The following HS6ST3 variants were observed in gnomAD, a reference collection of about 807,000 sequenced individuals.
The protein encoded by HS6ST3 is heparan sulfate 6-O-sulfotransferase 3, also known as heparan-sulfate 6-O-sulfotransferase 3.
HS6ST3 carries 12 observed loss-of-function variants against 36.7 expected under a neutral mutation model. The ratio of observed to expected loss-of-function variants is 0.33; its 90% CI spans 0.21 to 0.53. The LOEUF is 0.53. Among genes scored for constraint, HS6ST3 ranks in the 20% least tolerant of loss-of-function variants. HS6ST3 has a pLI of 0.95. For missense variants in HS6ST3, 584 were observed against 640.9 expected (o/e 0.91, Z 0.96); for synonymous variants, 240 against 257.5 (o/e 0.93, Z 0.65).
At chr13:96,362,057 G>C (rs2055241442) in intron 1 of HS6ST3, among the ~76,000 whole-genome samples, 1 of 152,154 alleles carries the variant, frequency 6.6e-6, no homozygotes, top group Non-Finnish European at 1.5e-5. Context: ...GAACTGCAGT[G>C]CTAGGTAATA....
At chr13:96,692,103 T>A (rs1874980056) in intron 1 of HS6ST3, among the ~76,000 whole-genome samples, 1 of 152,130 alleles carries the variant, frequency 6.6e-6, no homozygotes, top group Non-Finnish European at 1.5e-5. Context: ...AGATTGAAAT[T>A]TTTAGAGTCA....
chr13:96,542,099 G>A (rs896565811), intron 1 of HS6ST3, among the ~76,000 whole-genome samples: 3 of 152,190 alleles, frequency 2.0e-5, no homozygotes, highest in Non-Finnish European at 4.4e-5. Context: ...GGGGCAGAAA[G>A]CCTCTGGGAT....
intron 1 of HS6ST3, among the ~76,000 whole-genome samples, chr13:96,269,578 A>T (rs373969521): frequency 1.3e-5 from 2 of 152,158 alleles, no homozygotes; most frequent in East Asian, 3.9e-4. Context: ...TCTGTAACTG[A>T]AAAATTGTGT....
chr13:96,279,245 T>C (rs1212336594), intron 1 of HS6ST3, among the ~76,000 whole-genome samples: 2 of 152,100 alleles, frequency 1.3e-5, no homozygotes, highest in African/African-American at 4.8e-5. Flanking sequence ...AACCCAGAGT[T>C]TTTTCCTTTA....
At chr13:96,304,920 A>G (rs2054904725) in intron 1 of HS6ST3, among the ~76,000 whole-genome samples, 2 of 151,630 alleles carry the variant, frequency 1.3e-5, no homozygotes, top group African/African-American at 4.8e-5. Flanking sequence ...CATATTGGCC[A>G]GGCTGGTCTC....
intron 1 of HS6ST3, among the ~76,000 whole-genome samples, chr13:96,646,033 A>G (rs17767940): frequency 0.015 from 2,285 of 152,084 alleles, 25 homozygotes; most frequent in Non-Finnish European, 0.025. Flanking sequence ...TTAGAAAGAC[A>G]ATTTCCTAAC....
intron 1 of HS6ST3, among the ~76,000 whole-genome samples, chr13:96,317,751 C>G (rs2139413065): frequency 6.6e-6 from 1 of 150,802 alleles, no homozygotes; most frequent in East Asian, 1.9e-4. Flanking sequence ...TTTGTAATAG[C>G]CGTTCTGACT....
At chr13:96,728,061 T>C (rs1876050542) in intron 1 of HS6ST3, among the ~76,000 whole-genome samples, 1 of 152,190 alleles carries the variant, frequency 6.6e-6, no homozygotes, top group Non-Finnish European at 1.5e-5. Flanking sequence ...GTTTTAAACT[T>C]TTTGAAGGCA....
At chr13:96,695,770 C>T (rs653469) in intron 1 of HS6ST3, among the ~76,000 whole-genome samples, 2,231 of 151,970 alleles carry the variant, frequency 0.015, 53 homozygotes, top group African/African-American at 0.05. Context: ...ATTTCTCTTA[C>T]AAAAATTTAG....
chr13:96,400,288 GAC>G (rs956274298), intron 1 of HS6ST3, among the ~76,000 whole-genome samples: 1 of 136,648 alleles, frequency 7.3e-6, no homozygotes, highest in Non-Finnish European at 1.6e-5. Context: ...CACACATATA[GAC>G]ACACACAGAC....
chr13:96,669,871 G>C (rs530338132), intron 1 of HS6ST3, among the ~76,000 whole-genome samples: 1 of 152,034 alleles, frequency 6.6e-6, no homozygotes, highest in Non-Finnish European at 1.5e-5. Context: ...AACATGAGTG[G>C]GTTTTGAGGA....
At chr13:96,590,781 A>C (rs2056379286) in intron 1 of HS6ST3, among the ~76,000 whole-genome samples, 1 of 152,094 alleles carries the variant, frequency 6.6e-6, no homozygotes, top group African/African-American at 2.4e-5. Context: ...AATGCCCTGG[A>C]GAGTTTCTCC....
chr13:96,125,478 C>CT (rs2053946075), intron 1 of HS6ST3, among the ~76,000 whole-genome samples: 2 of 152,118 alleles, frequency 1.3e-5, no homozygotes, highest in South Asian at 4.1e-4. Context: ...TTCTATCTTA[C>CT]TTATTTAACT....
intron 1 of HS6ST3, among the ~76,000 whole-genome samples, chr13:96,272,058 A>C (rs1055896425): frequency 2.6e-5 from 4 of 152,060 alleles, no homozygotes; most frequent in Non-Finnish European, 5.9e-5. Flanking sequence ...ATTTATTTAA[A>C]GTCTGTAACA....
Position 96,090,595 on chromosome 13 carries a change from G to A in HS6ST3, c.-268G>A, listed in dbSNP as rs1445210813. Among the ~76,000 whole-genome samples the A allele has an allele frequency of 2.1e-5, 3 of 145,978 alleles. No individual in the cohort carries two copies. The highest frequency in any genetic ancestry group is 1.4e-4 in the Admixed American group (2 of 14,724). The stretch of plus-strand genomic sequence containing the variant: ...GCGGGAGCAGGGAGCGGGCCGGCCC[G>A]GGCGCACCCGGGAGCGCAGGGCGCC... On this transcript the variant is annotated 5_prime_UTR_variant, in exon 1 of 2. Transcript: ENST00000376705.
rs117964246 is a variant in HS6ST3 at position 96,343,079 on chromosome 13, G to A, written c.707+251510G>A. On this transcript the variant is annotated intron_variant, in intron 1 of 1. Transcript: ENST00000376705. ...ATCGGAAGGGAATTGCATACTAATA[G>A]GAGTTTCTGATTCTTCAGCATCAGT... Among the ~76,000 whole-genome samples the A allele has an allele frequency of 4.0e-3, 611 of 152,268 alleles. 1 individual carries two copies. Among genetic ancestry groups the A allele is most frequent in the Non-Finnish European group, 7.2e-3 (488 of 68,016 alleles).
At chr13:96,627,904 T>C (rs2056518743) in intron 1 of HS6ST3, among the ~76,000 whole-genome samples, 1 of 151,898 alleles carries the variant, frequency 6.6e-6, no homozygotes, top group South Asian at 2.1e-4. Context: ...TGTTTATTTG[T>C]ATAATCTCTA....
chr13:96,581,822 A>T, intron 1 of HS6ST3, among the ~76,000 whole-genome samples: 1 of 152,128 alleles, frequency 6.6e-6, no homozygotes, highest in East Asian at 1.9e-4. Flanking sequence ...GGGAGCAGGG[A>T]AAAAAAGGAG....
chr13:96,139,401 C>T (rs551684400), intron 1 of HS6ST3, among the ~76,000 whole-genome samples: 2 of 151,750 alleles, frequency 1.3e-5, no homozygotes, highest in South Asian at 4.2e-4. Flanking sequence ...AGCCATAACC[C>T]TACATCCCTG....
Sources: allele counts gnomAD v4.1 joint callset (sites outside exome capture counted in the v4.1 genomes callset), GRCh38; gene constraint gnomAD v4.1.1; transcripts MANE v1.5; gene names NCBI Gene and HGNC (gene_info 2026-07-23, HGNC 2026-07-21).